The following NFIB variants were observed in gnomAD, a reference collection of about 807,000 sequenced individuals.
NFIB encodes the protein nuclear factor 1 B-type.
Under a neutral mutation model 61.5 loss-of-function variants are expected in NFIB, and 11 were observed. The ratio of observed to expected loss-of-function variants is 0.18; its 90% CI spans 0.11 to 0.30. NFIB has a LOEUF of 0.30. Among genes scored for constraint, NFIB ranks in the 10% least tolerant of loss-of-function variants. NFIB has a pLI of 1.00. For synonymous variants in NFIB, 260 were observed against 216.5 expected (o/e 1.20, Z -1.76); for missense variants, 471 against 608.9 (o/e 0.77, Z 2.38).
chr9:14,199,604 G>C (rs1199376501), intron 2 of NFIB, among the ~76,000 whole-genome samples: 1 of 152,186 alleles, frequency 6.6e-6, no homozygotes, highest in Non-Finnish European at 1.5e-5. Flanking sequence ...AGATGTGTTG[G>C]AGTCTCATTA....
At chr9:14,121,923 T>C (rs1182525780) in intron 7 of NFIB, among the ~76,000 whole-genome samples, 1 of 152,096 alleles carries the variant, frequency 6.6e-6, no homozygotes, top group African/African-American at 2.4e-5. Flanking sequence ...TGTAATCGTA[T>C]GATCATTATC....
intron 3 of NFIB, among the ~76,000 whole-genome samples, chr9:14,168,111 C>T (rs962270276): frequency 1.3e-5 from 2 of 152,234 alleles, no homozygotes; most frequent in South Asian, 4.2e-4. Context: ...TAAGTATCTC[C>T]GCAGAAGTAC....
intron 1 of NFIB, among the ~76,000 whole-genome samples, chr9:14,340,173 G>A (rs1188206691): frequency 6.6e-6 from 1 of 152,182 alleles, no homozygotes; most frequent in Admixed American, 6.5e-5. Context: ...TGCTTCTAGA[G>A]GTTCTGATCT....
intron 2 of NFIB, among the ~76,000 whole-genome samples, chr9:14,223,449 T>G (rs2131852118): frequency 6.6e-6 from 1 of 152,316 alleles, no homozygotes; most frequent in Non-Finnish European, 1.5e-5. Flanking sequence ...TCTCACCCAT[T>G]AGAAACAAAT....
At position 14,313,490 on chromosome 9, in the gene NFIB, G is replaced by A; in HGVS notation, c.22C>T (p.Leu8Phe). Residue 8 changes from leucine (L) to phenylalanine (F), a missense_variant, in exon 1 of 11, where the codon CTC (leucine) becomes TTC (phenylalanine). Coordinates refer to ENST00000380953, the MANE Select transcript of NFIB (RefSeq NM_001190737.2). This position sits in a 1 kb window ranked among gnomAD's most constrained non-coding sequence, Gnocchi z 4.5. MMYSPIC[L>F]TQDEFHPFIE... ...GCGACCGAGACATGTACCTGAGTGAGACAGATGGGAGAATACATCATGACT... is the reference window on the plus strand; with the variant it reads ...GCGACCGAGACATGTACCTGAGTGAAACAGATGGGAGAATACATCATGACT... 2 of 1,614,088 alleles carry A rather than the reference G, an allele frequency of 1.2e-6. No individual in the cohort carries two copies. Among genetic ancestry groups the A allele is most frequent in the Non-Finnish European group, 1.7e-6 (2 of 1,179,984 alleles).
chr9:14,489,078 T>G, the NFIB span, among the ~76,000 whole-genome samples: 1 of 150,566 alleles, frequency 6.6e-6, no homozygotes, highest in Non-Finnish European at 1.5e-5. Flanking sequence ...TTCCATAAAG[T>G]TCATCTTTCC....
At chr9:14,526,091 G>C in the NFIB span, among the ~76,000 whole-genome samples, 6 of 152,184 alleles carry the variant, frequency 3.9e-5, no homozygotes, top group African/African-American at 1.2e-4. Flanking sequence ...AAATTCATTT[G>C]CCAGAGGTCA....
intron 2 of NFIB, among the ~76,000 whole-genome samples, chr9:14,197,771 C>A (rs957380761): frequency 2.6e-5 from 4 of 152,070 alleles, no homozygotes; most frequent in African/African-American, 9.7e-5. Context: ...AGCGCTTTAG[C>A]AAATTTTGGA....
intron 1 of NFIB, among the ~76,000 whole-genome samples, chr9:14,332,554 G>A (rs1352140443): frequency 6.6e-6 from 1 of 152,140 alleles, no homozygotes; most frequent in African/African-American, 2.4e-5. Context: ...GCCACGCCCT[G>A]TGCTCAAGTT....
chr9:14,243,135 G>A (rs879603197), intron 2 of NFIB, among the ~76,000 whole-genome samples: 3 of 152,134 alleles, frequency 2.0e-5, no homozygotes, highest in Admixed American at 1.3e-4. Flanking sequence ...TAGTCATCAA[G>A]ACTAGAGTTT....
chr9:14,421,623 A>G, the NFIB span, among the ~76,000 whole-genome samples: 2 of 152,226 alleles, frequency 1.3e-5, no homozygotes, highest in African/African-American at 4.8e-5. Flanking sequence ...ACAAATGTAA[A>G]TTACTTGCTA....
intron 10 of NFIB, among the ~76,000 whole-genome samples, chr9:14,092,966 C>G (rs930740724): frequency 1.2e-4 from 19 of 152,052 alleles, no homozygotes; most frequent in Non-Finnish European, 1.8e-4. Context: ...GGCAGCCATA[C>G]CAACATTTTC....
chr9:14,281,332 G>A (rs1189935164), intron 2 of NFIB, among the ~76,000 whole-genome samples: 1 of 152,152 alleles, frequency 6.6e-6, no homozygotes, highest in Non-Finnish European at 1.5e-5. Context: ...AGTGAAAGGA[G>A]AACTAGTACA....
At chr9:14,151,417 T>C (rs1418478885) in intron 4 of NFIB, among the ~76,000 whole-genome samples, 1 of 152,130 alleles carries the variant, frequency 6.6e-6, no homozygotes, top group African/African-American at 2.4e-5. Context: ...TACAAAATAG[T>C]CTCATATATT....
chr9:14,334,575 A>G (rs2060862027), intron 1 of NFIB, among the ~76,000 whole-genome samples: 1 of 152,168 alleles, frequency 6.6e-6, no homozygotes, highest in Admixed American at 6.5e-5. Context: ...TATACTCTAC[A>G]CGTGAGTCCT....
At chr9:14,383,670 T>C (rs981183007) in intron 1 of NFIB, among the ~76,000 whole-genome samples, 1 of 152,240 alleles carries the variant, frequency 6.6e-6, no homozygotes, top group South Asian at 2.1e-4. Flanking sequence ...GCAAGCATCA[T>C]GCCCGACCAT....
intron 2 of NFIB, among the ~76,000 whole-genome samples, chr9:14,187,759 G>A (rs1312049790): frequency 1.3e-5 from 2 of 152,166 alleles, no homozygotes; most frequent in East Asian, 3.9e-4. Flanking sequence ...ATAGGCCACT[G>A]AAATTTAAGG....
At chr9:14,187,636 C>T (rs1198952521) in intron 2 of NFIB, among the ~76,000 whole-genome samples, 1 of 152,048 alleles carries the variant, frequency 6.6e-6, no homozygotes, top group Non-Finnish European at 1.5e-5. Flanking sequence ...TTTAAAGAGC[C>T]ACTTTTTTGC....
chr9:14,345,696 G>C (rs930838961), intron 1 of NFIB, among the ~76,000 whole-genome samples: 1 of 152,156 alleles, frequency 6.6e-6, no homozygotes, highest in African/African-American at 2.4e-5. Flanking sequence ...CATCTCCGTG[G>C]AGTTTGGTAC....
Sources: gnomAD v4.1 joint callset for allele counts (sites outside exome capture counted in the v4.1 genomes callset) on GRCh38, gnomAD v4.1.1 for gene constraint, Gnocchi (gnomAD v3.1) non-coding constraint, MANE v1.5 for transcripts, NCBI Gene and HGNC (gene_info 2026-07-23, HGNC 2026-07-21) for gene names.